The following CYREN variants were observed in gnomAD, a reference collection of about 807,000 sequenced individuals.
CYREN encodes the protein cell cycle regulator of NHEJ, also known as cell cycle regulator of non-homologous end joining.
CYREN carries 7 observed loss-of-function variants against 9.7 expected under a neutral mutation model. That is an observed-to-expected ratio of 0.72 (90% confidence interval 0.41 to 1.36). The LOEUF (loss-of-function observed/expected upper bound fraction) is 1.36, where lower values mean the gene tolerates loss of function less well. Among genes scored for constraint, CYREN ranks in the 40% most tolerant of loss-of-function variants. The pLI, the probability that CYREN is intolerant of heterozygous loss-of-function variation, is 0.01. For synonymous variants in CYREN, 76 were observed against 77.9 expected (o/e 0.98, Z 0.13); for missense variants, 215 against 198.1 (o/e 1.09, Z -0.51).
intron 2 of CYREN, chr7:135,115,636 C>T: frequency 6.8e-7 from 1 of 1,479,892 alleles, no homozygotes; most frequent in Non-Finnish European, 9.2e-7. Flanking sequence ...TTTTATCACT[C>T]TTATCTATTT....
intron 2 of CYREN, among the ~76,000 whole-genome samples, chr7:135,145,435 TC>T (rs1829527309): frequency 6.6e-6 from 1 of 152,064 alleles, no homozygotes; most frequent in Non-Finnish European, 1.5e-5. Flanking sequence ...GTAAAGGGAA[TC>T]CCCAGCATGG....
intron 2 of CYREN, among the ~76,000 whole-genome samples, chr7:135,146,046 G>C (rs1031224231): frequency 6.6e-6 from 1 of 152,156 alleles, no homozygotes; most frequent in Non-Finnish European, 1.5e-5. Flanking sequence ...TCCTCACTAA[G>C]CTTAATCATT....
intron 2 of CYREN, among the ~76,000 whole-genome samples, chr7:135,116,131 G>T (rs1014620028): frequency 6.6e-6 from 1 of 152,146 alleles, no homozygotes; most frequent in Non-Finnish European, 1.5e-5. Flanking sequence ...ATTATCAACA[G>T]ATTTTTATAA....
chr7:135,111,310 C>T (rs1183659100), intron 2 of CYREN, among the ~76,000 whole-genome samples: 4 of 152,212 alleles, frequency 2.6e-5, no homozygotes, highest in African/African-American at 4.8e-5. Flanking sequence ...AGCCAACATT[C>T]ATTACCTTCA....
chr7:135,113,309 GAAT>G (rs1182390443), intron 2 of CYREN, among the ~76,000 whole-genome samples: 1 of 152,002 alleles, frequency 6.6e-6, no homozygotes, highest in African/African-American at 2.4e-5. Context: ...AGTAGAAATA[GAAT>G]AATGAGTCCA....
Position 135,167,716 on chromosome 7 carries a change from G to T in CYREN, c.213+16C>A, listed in dbSNP as rs752560601. On this transcript the variant is annotated intron_variant, in intron 3 of 3. Coordinates refer to ENST00000393114, the MANE Select transcript of CYREN (RefSeq NM_024033.4). ...CAGAGTTTCTGGTCATGAGTAAGAG[G>T]CTTGTCTGACTTTACCTCAATCAGG... 1.9e-6 allele frequency: 3 copies of T among 1,613,860 alleles called. No individual in the cohort carries two copies. Among genetic ancestry groups the T allele is most frequent in the Non-Finnish European group, 2.5e-6 (3 of 1,179,924 alleles).
chr7:135,149,255 G>A (rs1356354395), intron 2 of CYREN, among the ~76,000 whole-genome samples: 5 of 151,788 alleles, frequency 3.3e-5, no homozygotes, highest in Non-Finnish European at 7.4e-5. Flanking sequence ...ACAATTGCCT[G>A]TAATGTCACC....
At chr7:135,097,144 G>C (rs913354132) in intron 2 of CYREN, among the ~76,000 whole-genome samples, 1 of 152,110 alleles carries the variant, frequency 6.6e-6, no homozygotes, top group African/African-American at 2.4e-5. Flanking sequence ...TCCCTTGATT[G>C]CTTGATGAAA....
In CYREN at chr7:135,128,291, C is replaced by CAAAAAAAAAAAAAAAAAAAAAAAAAA. The variant is rs61217008; in HGVS notation, n.357-33735_357-33710dup. On this transcript the variant is annotated intron_variant and non_coding_transcript_variant, in intron 2 of 2. Coordinates refer to the CYREN transcript ENST00000459937. ...TGGGCAACAGAGTGAGACTCCATCT[C>CAAAAAAAAAAAAAAAAAAAAAAAAAA]AAAAAAAAAAAAAAAAAAAAAAAAA... is the stretch of plus-strand genomic sequence containing the variant. Among the ~76,000 whole-genome samples, 2 of 58,070 alleles carry CAAAAAAAAAAAAAAAAAAAAAAAAAA rather than the reference C, an allele frequency of 3.4e-5. 1 individual carries two copies. The allele number at this position is 58,070 out of a possible 152,430, so 38.1% of individuals were successfully genotyped here.
intron 2 of CYREN, among the ~76,000 whole-genome samples, chr7:135,134,178 A>G (rs1407827550): frequency 6.6e-6 from 1 of 152,116 alleles, no homozygotes. Flanking sequence ...ATATTGTTCT[A>G]TGGTTTTGCA....
chr7:135,119,895 A>G (rs933386841), intron 2 of CYREN, among the ~76,000 whole-genome samples: 1 of 152,180 alleles, frequency 6.6e-6, no homozygotes, highest in Admixed American at 6.5e-5. Flanking sequence ...AAAAAAGAAA[A>G]AGAAAGGAGT....
chr7:135,154,130 A>G (rs1474326469), intron 2 of CYREN, among the ~76,000 whole-genome samples: 1 of 152,164 alleles, frequency 6.6e-6, no homozygotes, highest in Non-Finnish European at 1.5e-5. Flanking sequence ...GCAGTTGTTC[A>G]TAATAGTCCT....
At chr7:135,119,811 A>G (rs1374218242) in intron 2 of CYREN, among the ~76,000 whole-genome samples, 2 of 152,316 alleles carry the variant, frequency 1.3e-5, no homozygotes, top group East Asian at 1.9e-4. Context: ...TGGGAGGCAG[A>G]GCTTGCAGTG....
chr7:135,103,429 G>A (rs1214646506), intron 2 of CYREN, among the ~76,000 whole-genome samples: 3 of 152,100 alleles, frequency 2.0e-5, no homozygotes, highest in Non-Finnish European at 4.4e-5. Context: ...TCACCCATAT[G>A]AGTTAGAGTA....
chr7:135,167,773 C>A lies in CYREN; in HGVS notation c.172G>T (p.Glu58Ter). ...PATRTVYCMN[E>*]AEIVDVALGI... ...AGAGCAACATCAACTATCTCAGCCTCATTCATGCAGTACACAGTCCTTGTC... is the reference window on the plus strand; with the variant it reads ...AGAGCAACATCAACTATCTCAGCCTAATTCATGCAGTACACAGTCCTTGTC... The change falls in exon 3 of 4, where the codon GAG becomes TAG. Residue 58 changes from glutamate to a stop codon, truncating the protein, a stop_gained. Transcript: ENST00000393114. LOFTEE classifies it low-confidence loss of function (END_TRUNC). 1 of 1,614,204 alleles carries A rather than the reference C, an allele frequency of 6.2e-7. No individual in the cohort carries two copies. The highest frequency in any genetic ancestry group is 8.5e-7 in the Non-Finnish European group (1 of 1,180,032).
At chr7:135,164,384 G>GAACA, downstream of CYREN, 1 of 1,503,572 alleles carries the variant, frequency 6.7e-7, no homozygotes, top group Non-Finnish European at 9.1e-7. Flanking sequence ...ACAAGCAAGG[G>GAACA]AGAGATGGAC....
Position 135,166,455 on chromosome 7 carries a change from G to A in CYREN, c.*156C>T. 1 of 1,239,556 alleles carries A rather than the reference G, an allele frequency of 8.1e-7. No individual in the cohort carries two copies. Among genetic ancestry groups the A allele is most frequent in the Non-Finnish European group, 1.1e-6 (1 of 916,782 alleles). The allele number at this position is 1,239,556 out of a possible 1,614,324, so 76.8% of individuals were successfully genotyped here. A position where few individuals can be genotyped will look rare whatever the true frequency, so the allele number is the denominator to read the frequency against. Reference sequence around the variant, plus strand: ...GCCCCAAGGCCCGGAGTGTCCAGGGGCTTCTGGCCTGAGGTGAATCTGCCA... The same window carrying A: ...GCCCCAAGGCCCGGAGTGTCCAGGGACTTCTGGCCTGAGGTGAATCTGCCA... On this transcript the variant is annotated 3_prime_UTR_variant, in exon 4 of 4. Transcript: ENST00000393114.
At chr7:135,124,494 G>T (rs1827586885) in intron 2 of CYREN, among the ~76,000 whole-genome samples, 1 of 152,200 alleles carries the variant, frequency 6.6e-6, no homozygotes, top group South Asian at 2.1e-4. Flanking sequence ...CAACAAGACA[G>T]AAAATTAACA....
At chr7:135,157,404 G>GT (rs1829822405) in intron 2 of CYREN, among the ~76,000 whole-genome samples, 1 of 152,240 alleles carries the variant, frequency 6.6e-6, no homozygotes, top group Non-Finnish European at 1.5e-5. Flanking sequence ...GTCCCCAGAA[G>GT]TTTAGCTGGG....
Sources: allele counts gnomAD v4.1 joint callset (sites outside exome capture counted in the v4.1 genomes callset), GRCh38; gene constraint gnomAD v4.1.1; transcripts MANE v1.5; gene names NCBI Gene and HGNC (gene_info 2026-07-23, HGNC 2026-07-21).